Variants in SPECC1 observed in about 807,000 individuals in gnomAD.
SPECC1 encodes cytospin-B.
In SPECC1, 62 loss-of-function variants were observed where a neutral mutation model predicts 104.1. The ratio of observed to expected loss-of-function variants is 0.60; its 90% CI spans 0.49 to 0.74. The LOEUF (loss-of-function observed/expected upper bound fraction) is 0.74. Ranked by LOEUF, SPECC1 falls within the 30% of genes least tolerant of loss-of-function variation. The pLI is 0.00. For synonymous variants in SPECC1, 513 were observed against 501.6 expected (o/e 1.02, Z -0.30); for missense variants, 1,306 against 1,310.5 (o/e 1.00, Z 0.05).
At chr17:20,173,528 T>C in intron 3 of SPECC1, among the ~76,000 whole-genome samples, 1 of 152,204 alleles carries the variant, frequency 6.6e-6, no homozygotes, top group East Asian at 1.9e-4. Flanking sequence ...CACTATAACA[T>C]TGCTAGGTCG....
intron 13 of SPECC1, among the ~76,000 whole-genome samples, chr17:20,300,350 C>G (rs2041527647): frequency 6.6e-6 from 1 of 152,196 alleles, no homozygotes; most frequent in Non-Finnish European, 1.5e-5. Flanking sequence ...CCTCCCTGCC[C>G]TCTTGATGTC....
chr17:20,026,362 A>G (rs1234707995), intron 1 of SPECC1, among the ~76,000 whole-genome samples: 4 of 152,074 alleles, frequency 2.6e-5, no homozygotes, highest in African/African-American at 9.7e-5. Context: ...CTTTTTGAAC[A>G]TGTACAATAA....
At chr17:20,049,471 G>A (rs2152459673) in intron 1 of SPECC1, among the ~76,000 whole-genome samples, 1 of 152,232 alleles carries the variant, frequency 6.6e-6, no homozygotes, top group South Asian at 2.1e-4. Flanking sequence ...AGAGCCATTT[G>A]TATTCTCTGT....
chr17:20,065,982 A>G (rs181436827), intron 1 of SPECC1, among the ~76,000 whole-genome samples: 13 of 152,316 alleles, frequency 8.5e-5, no homozygotes, highest in East Asian at 7.7e-4. Context: ...ATCTATATCT[A>G]TCTATCTATA....
rs564193575 is a variant in SPECC1 at position 20,265,985 on chromosome 17, A to G, written c.2940+5691A>G. Among the ~76,000 whole-genome samples, 29 of 152,340 alleles carry G rather than the reference A, an allele frequency of 1.9e-4. 1 individual carries two copies. In the South Asian group the frequency reaches 5.8e-3, roughly 30 times the overall value. On this transcript the variant is annotated intron_variant, in intron 12 of 14. Transcript: ENST00000395527. ...CTGTTTTGGTTACTGTAGCCTTAGA[A>G]TATAACATGAACTCAGGCAATGCGA... is the stretch of plus-strand genomic sequence containing the variant.
chr17:20,296,628 T>C (rs2041359956), intron 12 of SPECC1, among the ~76,000 whole-genome samples: 1 of 152,204 alleles, frequency 6.6e-6, no homozygotes, highest in African/African-American at 2.4e-5. Context: ...GCCATTTTCA[T>C]GATATTGATT....
At chr17:20,015,584 A>ATTTTTTTTTTTTT (rs1222758913) in intron 1 of SPECC1, among the ~76,000 whole-genome samples, 10 of 102,068 alleles carry the variant, frequency 9.8e-5, no homozygotes, top group Admixed American at 2.4e-4. Flanking sequence ...CCGGGTCTCT[A>ATTTTTTTTTTTTT]TTTTTTTTTT....
chr17:20,021,728 G>A (rs1002807992), intron 1 of SPECC1, among the ~76,000 whole-genome samples: 11 of 145,622 alleles, frequency 7.6e-5, no homozygotes, highest in African/African-American at 2.0e-4. Flanking sequence ...AGTAGAGACC[G>A]GGTTTCACTG....
At chr17:20,198,067 G>A (rs1459711882) in intron 3 of SPECC1, among the ~76,000 whole-genome samples, 1 of 152,172 alleles carries the variant, frequency 6.6e-6, no homozygotes, top group Non-Finnish European at 1.5e-5. Context: ...GATCTGGCTT[G>A]CAGCACCATT....
chr17:20,138,632 T>TTTATA (rs1173441421), intron 3 of SPECC1, among the ~76,000 whole-genome samples: 1 of 152,208 alleles, frequency 6.6e-6, no homozygotes, highest in Non-Finnish European at 1.5e-5. Context: ...TATGTCACCT[T>TTTATA]TTATATTGGC....
intron 3 of SPECC1, chr17:20,156,128 G>C (rs1388828897): frequency 1.4e-6 from 2 of 1,386,500 alleles, no homozygotes; most frequent in Non-Finnish European, 9.4e-7. Context: ...GCCGGAGCCA[G>C]CGCGAGCTCG....
chr17:20,146,655 C>G (rs1406078889), intron 3 of SPECC1, among the ~76,000 whole-genome samples: 1 of 152,108 alleles, frequency 6.6e-6, no homozygotes, highest in Non-Finnish European at 1.5e-5. Context: ...GCCTGTAATC[C>G]TGGAACTTTG....
At chr17:20,178,578 A>T (rs1389484608) in intron 3 of SPECC1, among the ~76,000 whole-genome samples, 1 of 152,232 alleles carries the variant, frequency 6.6e-6, no homozygotes, top group Non-Finnish European at 1.5e-5. Flanking sequence ...TTAAAGAGTG[A>T]TTACTCCTGA....
intron 4 of SPECC1, among the ~76,000 whole-genome samples, chr17:20,211,503 T>A (rs1222608720): frequency 6.6e-6 from 1 of 152,284 alleles, no homozygotes; most frequent in African/African-American, 2.4e-5. Flanking sequence ...GGCCTCAGCC[T>A]GGCTGTGCAG....
intron 3 of SPECC1, among the ~76,000 whole-genome samples, chr17:20,133,213 G>A (rs1384215297): frequency 6.6e-6 from 1 of 151,128 alleles, no homozygotes; most frequent in Non-Finnish European, 1.5e-5. Context: ...TGTCTCACTC[G>A]TTTTTCTCTA....
intron 1 of SPECC1, among the ~76,000 whole-genome samples, chr17:20,054,687 G>T (rs941441538): frequency 1.3e-5 from 2 of 151,660 alleles, no homozygotes; most frequent in African/African-American, 4.8e-5. Context: ...TTTTTGGGGG[G>T]GGTGGTGTCT....
chr17:20,235,070 T>C (rs1446209460), intron 7 of SPECC1, among the ~76,000 whole-genome samples: 1 of 152,248 alleles, frequency 6.6e-6, no homozygotes, highest in African/African-American at 2.4e-5. Context: ...CTCTTGCCTC[T>C]GTTAAAAGAG....
At position 20,217,277 on chromosome 17, in the gene SPECC1, G is replaced by GT. The variant is rs1207563864; in HGVS notation, c.1864-10135dup. ...CAGTTTTTTTATTGTGTGTGTGTGTGTGTGTTTTTTTTTTCTTGTAAATAG... is the reference window on the plus strand; with the variant it reads ...CAGTTTTTTTATTGTGTGTGTGTGTGTTGTGTTTTTTTTTTCTTGTAAATAG... On this transcript the variant is annotated intron_variant, in intron 4 of 14. Coordinates refer to ENST00000395527, the MANE Select transcript of SPECC1 (RefSeq NM_001243439.2). 6.8e-3 allele frequency among the ~76,000 whole-genome samples: 986 copies of GT among 144,386 alleles called. 6 individuals carry two copies. Among genetic ancestry groups the GT allele is most frequent in the African/African-American group, 0.017 (682 of 39,606 alleles). 94.7% of individuals were successfully genotyped at this position (144,386 alleles called of 152,430 possible). A position where few individuals can be genotyped will look rare whatever the true frequency, so the allele number is the denominator to read the frequency against.
intron 10 of SPECC1, among the ~76,000 whole-genome samples, chr17:20,256,751 T>G (rs542462208): frequency 2.0e-5 from 3 of 152,188 alleles, no homozygotes; most frequent in Non-Finnish European, 2.9e-5. Context: ...GGTGGTGCAC[T>G]TTCCTGTAGT....
Sources: allele counts gnomAD v4.1 joint callset (sites outside exome capture counted in the v4.1 genomes callset), GRCh38; gene constraint gnomAD v4.1.1; transcripts MANE v1.5; gene names NCBI Gene and HGNC (gene_info 2026-07-23, HGNC 2026-07-21).